The following IL4I1 variants were observed in gnomAD, a reference collection of about 807,000 sequenced individuals.
IL4I1 encodes the protein L-amino-acid oxidase.
IL4I1 carries 24 observed loss-of-function variants against 29.7 expected under a neutral mutation model. The observed-to-expected ratio is 0.81, with a 90% CI of 0.59 to 1.14. The LOEUF (loss-of-function observed/expected upper bound fraction) is 1.14, where lower values mean the gene tolerates loss of function less well. Among genes scored for constraint, IL4I1 ranks in the 50% most tolerant of loss-of-function variants. The pLI, the probability that IL4I1 is intolerant of heterozygous loss-of-function variation, is 0.00. For synonymous variants in IL4I1, 371 were observed against 352.5 expected (o/e 1.05, Z -0.59); for missense variants, 686 against 785.6 (o/e 0.87, Z 1.52).
chr19:49,922,290 A>G (rs1210623580), intron 2 of IL4I1, among the ~76,000 whole-genome samples: 1 of 152,196 alleles, frequency 6.6e-6, no homozygotes, highest in Non-Finnish European at 1.5e-5. Flanking sequence ...CGCAATGAGC[A>G]ATGTGCTCCT....
chr19:49,895,673 C>G, intron 3 of IL4I1, 142 bp downstream of exon 3: 1 of 862,902 alleles, frequency 1.2e-6, no homozygotes, highest in Non-Finnish European at 1.8e-6. Flanking sequence ...GGCCTCACCC[C>G]CAGACTACAG....
At chr19:49,899,570 T>C (rs1344583628), upstream of IL4I1, among the ~76,000 whole-genome samples, 1 of 151,194 alleles carries the variant, frequency 6.6e-6, no homozygotes, top group East Asian at 1.9e-4. Flanking sequence ...TTGTTTTTTT[T>C]AATTGAGACG....
intron 2 of IL4I1, among the ~76,000 whole-genome samples, chr19:49,926,296 G>A (rs921105503): frequency 6.6e-6 from 1 of 151,128 alleles, no homozygotes; most frequent in Admixed American, 6.6e-5. Flanking sequence ...TTGGGAGGCC[G>A]AGGTGGGTGG....
chr19:49,893,642 A>G (rs951026168), intron 5 of IL4I1, among the ~76,000 whole-genome samples: 1 of 152,040 alleles, frequency 6.6e-6, no homozygotes, highest in Non-Finnish European at 1.5e-5. Context: ...AAAGGGGAAG[A>G]GGCCAAAAGC....
intron 2 of IL4I1, among the ~76,000 whole-genome samples, chr19:49,924,726 G>A (rs899031655): frequency 2.0e-5 from 3 of 152,174 alleles, no homozygotes; most frequent in Non-Finnish European, 2.9e-5. Flanking sequence ...ACTGATGACC[G>A]GCTATGAACT....
At chr19:49,901,636 C>A, upstream of IL4I1, 1 of 1,507,880 alleles carries the variant, frequency 6.6e-7, no homozygotes, top group Middle Eastern at 1.7e-4. Context: ...TGGGGGCACT[C>A]ACTGCATGGC....
At chr19:49,908,177 C>A (rs2075365335) in intron 2 of IL4I1, 3 of 1,590,446 alleles carry the variant, frequency 1.9e-6, no homozygotes, top group African/African-American at 1.3e-5. Flanking sequence ...AAACTACAGA[C>A]AACAGGGCGC....
intron 2 of IL4I1, chr19:49,909,667 G>A (rs781250765): frequency 6.2e-7 from 1 of 1,614,216 alleles, no homozygotes; most frequent in Non-Finnish European, 8.5e-7. Context: ...CTGGTTGGAA[G>A]GGAGCCCCAA....
At chr19:49,924,831 G>A (rs2075847305) in intron 2 of IL4I1, among the ~76,000 whole-genome samples, 1 of 152,218 alleles carries the variant, frequency 6.6e-6, no homozygotes, top group Non-Finnish European at 1.5e-5. Context: ...TGAAGTGGGT[G>A]GGACCCAATA....
At chr19:49,911,880 T>C (rs1340503689) in intron 2 of IL4I1, among the ~76,000 whole-genome samples, 2 of 152,220 alleles carry the variant, frequency 1.3e-5, no homozygotes, top group Non-Finnish European at 2.9e-5. Flanking sequence ...CCAGGACTGC[T>C]GGGGCCTGGC....
chr19:49,909,766 G>A (rs540481454), intron 2 of IL4I1: 5 of 1,614,120 alleles, frequency 3.1e-6, no homozygotes, highest in South Asian at 1.1e-5. Flanking sequence ...ACGTGAACCC[G>A]CCTGTAGGGG....
At position 49,895,908 on chromosome 19, in the gene IL4I1, G is replaced by A; in HGVS notation, c.159C>T (p.Leu53=). Residue 53 remains leucine, a synonymous_variant, in exon 3 of 8, where the codon CTC becomes CTT. Transcript: ENST00000391826. ...EQLLKVVTWG[L]NRTLKPQRVI... is the part of the protein sequence containing the mutation. Reference sequence around the variant, plus strand: ...CCCTCTGGGGCTTCAGGGTCCGATTGAGCCCCCAGGTCACCACCTTGAGCA... The same window carrying A: ...CCCTCTGGGGCTTCAGGGTCCGATTAAGCCCCCAGGTCACCACCTTGAGCA... 1 of 1,614,214 alleles carries A rather than the reference G, an allele frequency of 6.2e-7. No individual in the cohort carries two copies. Among genetic ancestry groups the A allele is most frequent in the Non-Finnish European group, 8.5e-7 (1 of 1,180,050 alleles).
chr19:49,915,051 T>C (rs543397289), intron 2 of IL4I1, among the ~76,000 whole-genome samples: 7 of 152,024 alleles, frequency 4.6e-5, no homozygotes, highest in Admixed American at 2.6e-4. Flanking sequence ...CCAACCCCTT[T>C]CCTTAGATGC....
At chr19:49,928,752 TCA>T (rs1219519987) in intron 1 of IL4I1, 1 of 152,202 alleles carries the variant, frequency 6.6e-6, no homozygotes, top group Non-Finnish European at 1.5e-5. Context: ...CGAGGGTTTC[TCA>T]GAGTCAGCAG....
rs1192229656 is a variant in IL4I1, at chr19:49,890,094, T to C, written c.1280A>G (p.His427Arg). The C allele has an allele frequency of 1.3e-6, 2 of 1,545,758 alleles. No individual in the cohort carries two copies. The highest frequency in any genetic ancestry group is 3.9e-5 in the Admixed American group (2 of 50,960). The change falls in exon 8 of 8, where the codon CAC (histidine) becomes CGC (arginine). Residue 427 changes from histidine to arginine, a missense_variant. His to Arg is a conservative substitution (Grantham distance 29). Coordinates refer to ENST00000391826, the MANE Select transcript of IL4I1 (RefSeq NM_152899.2). The part of the protein sequence containing the change: ...RLALDDVAAL[H>R]GPVVRQLWDG... ...CCAGAGCTGGCGCACGACAGGCCCG[T>C]GCAATGCCGCCACGTCGTCGAGCGC... is the stretch of plus-strand genomic sequence containing the variant.
At position 49,909,685 on chromosome 19, in the gene IL4I1, C is replaced by A. The variant is rs150463164; in HGVS notation, c.-227-5364G>T. The A allele has an allele frequency of 4.1e-4, 666 of 1,614,138 alleles. 1 individual carries two copies. Among genetic ancestry groups the A allele is most frequent in the Non-Finnish European group, 4.8e-4 (569 of 1,180,022 alleles). ...GTTGGAAGGGAGCCCCAAAATTAAA[C>A]CCTCCAGTGCCAGAGGTGGAGAAAG... On this transcript the variant is annotated intron_variant, in intron 2 of 9. Coordinates refer to the IL4I1 transcript ENST00000341114.
At chr19:49,904,612 G>C (rs1208189190) in intron 2 of IL4I1, among the ~76,000 whole-genome samples, 1 of 152,032 alleles carries the variant, frequency 6.6e-6, no homozygotes, top group Non-Finnish European at 1.5e-5. Context: ...GCAGTGGCGC[G>C]ATCTTGGCTC....
chr19:49,926,446 CTTGAATCTGGGAAGTGGAGGTTGAAGTGA>C (rs1160644443), intron 2 of IL4I1, among the ~76,000 whole-genome samples: 1 of 151,998 alleles, frequency 6.6e-6, no homozygotes, highest in East Asian at 1.9e-4. Flanking sequence ...AGGAGAATTG[CTTGAATCTGGGAAGTGGAGGTTGAAGTGA>C]GCCAAGATCA....
intron 3 of IL4I1, among the ~76,000 whole-genome samples, chr19:49,903,591 G>A (rs1047844048): frequency 1.3e-5 from 2 of 152,206 alleles, no homozygotes; most frequent in African/African-American, 4.8e-5. Context: ...AGTCTGAGGG[G>A]CAGATTTTTA....
Sources: allele counts gnomAD v4.1 joint callset (sites outside exome capture counted in the v4.1 genomes callset), GRCh38; gene constraint gnomAD v4.1.1; transcripts MANE v1.5; gene names NCBI Gene and HGNC (gene_info 2026-07-23, HGNC 2026-07-21).